Variants in CALN1 observed in about 807,000 individuals in gnomAD.
CALN1 encodes calneuron 1.
In CALN1, 17 loss-of-function variants were observed where a neutral mutation model predicts 30.6. That is an observed-to-expected ratio of 0.56 (90% CI 0.38 to 0.83). The LOEUF (loss-of-function observed/expected upper bound fraction) is 0.83, where lower values mean the gene tolerates loss of function less well. Among genes scored for constraint, CALN1 ranks in the 40% least tolerant of loss-of-function variants. The pLI is 0.00. For missense variants in CALN1, 291 were observed against 354.9 expected (o/e 0.82, Z 1.45); for synonymous variants, 156 against 131.4 (o/e 1.19, Z -1.28).
intron 2 of CALN1, among the ~76,000 whole-genome samples, chr7:72,293,528 A>G (rs1313143429): frequency 6.6e-6 from 1 of 152,194 alleles, no homozygotes; most frequent in Non-Finnish European, 1.5e-5. Context: ...ATCAGTCAGC[A>G]GCCTATTGCC....
chr7:71,887,335 G>T (rs977301476), intron 5 of CALN1, among the ~76,000 whole-genome samples: 2 of 152,120 alleles, frequency 1.3e-5, no homozygotes, highest in Non-Finnish European at 2.9e-5. Context: ...CGCTCTTGTT[G>T]CCCAGGCTGG....
intron 5 of CALN1, among the ~76,000 whole-genome samples, chr7:71,996,648 A>T (rs1443065278): frequency 6.6e-6 from 1 of 152,192 alleles, no homozygotes; most frequent in Non-Finnish European, 1.5e-5. Flanking sequence ...AGGGGGAGGG[A>T]GAGCATCAGG....
At chr7:72,021,631 A>T (rs1800714226) in intron 5 of CALN1, among the ~76,000 whole-genome samples, 2 of 151,860 alleles carry the variant, frequency 1.3e-5, no homozygotes, top group South Asian at 4.2e-4. Context: ...GCAGTGGGGG[A>T]TTCACGAGCC....
At chr7:72,206,663 C>A (rs955265846) in intron 3 of CALN1, among the ~76,000 whole-genome samples, 1 of 141,408 alleles carries the variant, frequency 7.1e-6, no homozygotes, top group Non-Finnish European at 1.5e-5. Flanking sequence ...AGAACAGATG[C>A]AGGCTAAAAT....
intron 2 of CALN1, among the ~76,000 whole-genome samples, chr7:72,340,028 C>T (rs1802309099): frequency 6.6e-6 from 1 of 152,070 alleles, no homozygotes; most frequent in South Asian, 2.1e-4. Context: ...AAACCTGGAC[C>T]CCCATTAAAC....
At chr7:72,409,126 G>C (rs1806921616) in intron 1 of CALN1, among the ~76,000 whole-genome samples, 1 of 151,944 alleles carries the variant, frequency 6.6e-6, no homozygotes, top group South Asian at 2.1e-4. Context: ...CTCCCCAGTA[G>C]CTGGGATTAC....
chr7:72,298,875 A>G (rs1448737637), intron 2 of CALN1, among the ~76,000 whole-genome samples: 1 of 151,324 alleles, frequency 6.6e-6, no homozygotes, highest in Non-Finnish European at 1.5e-5. Context: ...GCCGCCATCC[A>G]CGTCAAGTCG....
At chr7:72,425,095 A>T (rs1807754197) in intron 1 of CALN1, among the ~76,000 whole-genome samples, 1 of 152,034 alleles carries the variant, frequency 6.6e-6, no homozygotes, top group African/African-American at 2.4e-5. Context: ...AGAGAGGGGT[A>T]GGGTTTGTTT....
At chr7:72,152,098 G>A (rs1453552774) in intron 3 of CALN1, among the ~76,000 whole-genome samples, 2 of 151,640 alleles carry the variant, frequency 1.3e-5, no homozygotes, top group Non-Finnish European at 2.9e-5. Flanking sequence ...TAGAGATGGG[G>A]TTTCACCATG....
intron 2 of CALN1, among the ~76,000 whole-genome samples, chr7:72,286,979 G>A (rs563795759): frequency 1.3e-5 from 2 of 152,292 alleles, no homozygotes; most frequent in South Asian, 2.1e-4. Flanking sequence ...TGAGAGGTAA[G>A]CCGGTTTGGA....
chr7:71,808,381 T>C (rs565023647), intron 6 of CALN1, among the ~76,000 whole-genome samples: 2 of 151,588 alleles, frequency 1.3e-5, no homozygotes, highest in African/African-American at 4.8e-5. Context: ...ACATTAATAA[T>C]TATTTTATAA....
chr7:72,216,439 A>C (rs1308004081), intron 3 of CALN1, among the ~76,000 whole-genome samples: 1 of 151,980 alleles, frequency 6.6e-6, no homozygotes, highest in Non-Finnish European at 1.5e-5. Flanking sequence ...AAGATAAATA[A>C]ATACATATAT....
chr7:72,168,222 T>C (rs1788662926), intron 3 of CALN1, among the ~76,000 whole-genome samples: 1 of 124,560 alleles, frequency 8.0e-6, no homozygotes. Flanking sequence ...TACTTAATTT[T>C]TGCAAACAAG....
chr7:72,006,658 T>C (rs1799787405), intron 5 of CALN1, among the ~76,000 whole-genome samples: 1 of 152,032 alleles, frequency 6.6e-6, no homozygotes. Flanking sequence ...GTATTAATAT[T>C]AGAAAAGGAG....
intron 6 of CALN1, among the ~76,000 whole-genome samples, chr7:71,789,900 A>T (rs1332413345): frequency 6.6e-6 from 1 of 152,098 alleles, no homozygotes; most frequent in African/African-American, 2.4e-5. Flanking sequence ...GTTTGAGACC[A>T]GCCTGGGTAA....
intron 4 of CALN1, among the ~76,000 whole-genome samples, chr7:72,050,994 CAATAAATAAATAAATA>C (rs10601126): frequency 2.3e-3 from 324 of 139,274 alleles, no homozygotes; most frequent in African/African-American, 7.3e-3. Flanking sequence ...GACTCCACCA[CAATAAATAAATAAATA>C]AATAAATAAA....
chr7:72,187,093 A>G (rs1790259624), intron 3 of CALN1, among the ~76,000 whole-genome samples: 1 of 152,136 alleles, frequency 6.6e-6, no homozygotes, highest in Admixed American at 6.5e-5. Context: ...TGCTTTAGCC[A>G]GTTAAAAGTT....
chr7:71,827,801 A>C (rs1207577129), intron 5 of CALN1, among the ~76,000 whole-genome samples: 6 of 151,360 alleles, frequency 4.0e-5, no homozygotes, highest in Admixed American at 2.6e-4. Context: ...TAAATAAATA[A>C]ATAAATAAAT....
Position 72,076,611 on chromosome 7 carries a change from CAAAAAAAAAAAAAAAAAAAAAAAAAA to C in CALN1, c.388+29514_388+29539del, listed in dbSNP as rs572245834. ...GAAACTCCGTCTAGAAAAAAAAAAG[CAAAAAAAAAAAAAAAAAAAAAAAAAA>C]AAAAAAAAAAGCAAAGACATGCCCT... On this transcript the variant is annotated intron_variant, in intron 4 of 6. Transcript: ENST00000395275. 6.5e-4 allele frequency among the ~76,000 whole-genome samples: 4 copies of C among 6,120 alleles called. No individual in the cohort carries two copies. In the South Asian group the frequency reaches 0.034, roughly 52 times the overall value. 4.0% of individuals were successfully genotyped at this position (6,120 alleles called of 152,430 possible).
Sources: gnomAD v4.1 joint callset for allele counts (sites outside exome capture counted in the v4.1 genomes callset) on GRCh38, gnomAD v4.1.1 for gene constraint, MANE v1.5 for transcripts, NCBI Gene and HGNC (gene_info 2026-07-23, HGNC 2026-07-21) for gene names.